Variants in PCDH7 observed in about 807,000 individuals in gnomAD.
PCDH7 encodes protocadherin 7.
Under a neutral mutation model 58.9 loss-of-function variants are expected in PCDH7, and 17 were observed. The observed-to-expected ratio is 0.29, with a 90% CI of 0.20 to 0.43. The LOEUF is 0.43. Ranked by LOEUF, PCDH7 falls within the 20% of genes least tolerant of loss-of-function variation. The pLI is 1.00. For missense variants in PCDH7, 1,274 were observed against 1,441.0 expected (o/e 0.88, Z 1.88); for synonymous variants, 664 against 616.4 (o/e 1.08, Z -1.14).
chr4:30,863,250 GC>G (rs1222949760), intron 1 of PCDH7, among the ~76,000 whole-genome samples: 5 of 152,080 alleles, frequency 3.3e-5, no homozygotes, highest in Non-Finnish European at 4.4e-5. Flanking sequence ...TCCTGATTAT[GC>G]AGTTAGCTAT....
At chr4:30,901,812 T>A (rs1375728811) in intron 1 of PCDH7, among the ~76,000 whole-genome samples, 1 of 152,184 alleles carries the variant, frequency 6.6e-6, no homozygotes, top group Non-Finnish European at 1.5e-5. Context: ...TAGTTCAAGT[T>A]CTACCGACCT....
intron 1 of PCDH7, chr4:30,724,908 A>G (rs1020905405): frequency 1.7e-6 from 2 of 1,145,394 alleles, no homozygotes; most frequent in Non-Finnish European, 1.1e-6. Flanking sequence ...CAGAATAAAT[A>G]TGTGTGTATT....
At chr4:30,869,371 G>A (rs1345465803) in intron 1 of PCDH7, among the ~76,000 whole-genome samples, 2 of 152,046 alleles carry the variant, frequency 1.3e-5, no homozygotes, top group African/African-American at 4.8e-5. Context: ...TGCCATGGTG[G>A]TTTGCTGCAC....
chr4:30,860,607 C>A (rs1437344495), intron 1 of PCDH7, among the ~76,000 whole-genome samples: 1 of 152,182 alleles, frequency 6.6e-6, no homozygotes, highest in African/African-American at 2.4e-5. Context: ...AGGATCTTCT[C>A]TTCCCACATG....
At chr4:30,831,017 T>A (rs1172704385) in intron 1 of PCDH7, among the ~76,000 whole-genome samples, 1 of 152,120 alleles carries the variant, frequency 6.6e-6, no homozygotes, top group Admixed American at 6.6e-5. Flanking sequence ...TCATCAAAAA[T>A]AATTTTCTGA....
At chr4:31,075,261 G>A (rs1044499739) in intron 3 of PCDH7, among the ~76,000 whole-genome samples, 11 of 151,996 alleles carry the variant, frequency 7.2e-5, no homozygotes, top group African/African-American at 1.9e-4. Context: ...TGCATGGTAC[G>A]ATACTAATTT....
intron 3 of PCDH7, among the ~76,000 whole-genome samples, chr4:30,978,262 T>C (rs1750250986): frequency 6.6e-6 from 1 of 152,180 alleles, no homozygotes; most frequent in Non-Finnish European, 1.5e-5. Context: ...ATGCTGGGCG[T>C]GACCTTGGAG....
chr4:31,081,810 T>C (rs992656267), intron 3 of PCDH7, among the ~76,000 whole-genome samples: 1 of 151,740 alleles, frequency 6.6e-6, no homozygotes, highest in African/African-American at 2.4e-5. Context: ...TCTCACTCTG[T>C]CACCCATGCT....
intron 1 of PCDH7, among the ~76,000 whole-genome samples, chr4:30,835,222 C>T (rs1261264774): frequency 6.6e-6 from 1 of 152,038 alleles, no homozygotes; most frequent in Non-Finnish European, 1.5e-5. Context: ...GGATCCCAAC[C>T]CCCGGGCCAC....
At chr4:31,122,995 T>C (rs1717871798) in intron 3 of PCDH7, among the ~76,000 whole-genome samples, 1 of 152,040 alleles carries the variant, frequency 6.6e-6, no homozygotes. Flanking sequence ...GTACACCTAA[T>C]CTTTGAAATT....
chr4:30,769,280 G>T (rs568346640), intron 1 of PCDH7, among the ~76,000 whole-genome samples: 3 of 152,190 alleles, frequency 2.0e-5, no homozygotes, highest in African/African-American at 7.2e-5. Context: ...TGCTGACTTG[G>T]CTGCACCGCA....
At chr4:30,751,870 G>A (rs28715457) in intron 1 of PCDH7, among the ~76,000 whole-genome samples, 6,185 of 152,120 alleles carry the variant, frequency 0.041, 305 homozygotes, top group African/African-American at 0.12. Flanking sequence ...GAGAATGAAA[G>A]TAAGGAAAAT....
chr4:30,895,447 T>C (rs778431943), intron 1 of PCDH7, among the ~76,000 whole-genome samples: 17 of 152,140 alleles, frequency 1.1e-4, no homozygotes, highest in Non-Finnish European at 1.8e-4. Context: ...ATATGATGTA[T>C]TTCTAATGTA....
At chr4:30,838,192 A>G (rs1192205747) in intron 1 of PCDH7, among the ~76,000 whole-genome samples, 1 of 152,098 alleles carries the variant, frequency 6.6e-6, no homozygotes, top group Non-Finnish European at 1.5e-5. Flanking sequence ...TAATGTTCTA[A>G]TGTGCTTTGA....
intron 3 of PCDH7, among the ~76,000 whole-genome samples, chr4:31,109,877 C>T (rs1336000897): frequency 2.0e-5 from 3 of 152,174 alleles, no homozygotes; most frequent in African/African-American, 7.2e-5. Context: ...TATCTCTATA[C>T]ATAGGCAGAC....
At chr4:31,015,261 G>T (rs971540658) in intron 3 of PCDH7, among the ~76,000 whole-genome samples, 19 of 152,210 alleles carry the variant, frequency 1.2e-4, no homozygotes, top group African/African-American at 4.1e-4. Context: ...ACTACCAGTT[G>T]CTTTATTGTG....
intron 3 of PCDH7, among the ~76,000 whole-genome samples, chr4:31,056,458 G>GAAAGAAGAAAGAAAGA (rs376643176): frequency 1.1e-4 from 9 of 83,222 alleles, no homozygotes; most frequent in Non-Finnish European, 2.0e-4. Flanking sequence ...AAGAAAGAAA[G>GAAAGAAGAAAGAAAGA]AAGAAAGAAA....
chr4:31,026,712 T>A (rs1270792346), intron 3 of PCDH7, among the ~76,000 whole-genome samples: 1 of 152,178 alleles, frequency 6.6e-6, no homozygotes, highest in Non-Finnish European at 1.5e-5. Flanking sequence ...CCTCTTATTT[T>A]TGCCATAGAA....
At chr4:30,749,836 G>C (rs566907794) in intron 1 of PCDH7, among the ~76,000 whole-genome samples, 1 of 152,068 alleles carries the variant, frequency 6.6e-6, no homozygotes, top group Non-Finnish European at 1.5e-5. Flanking sequence ...TTATGATTTT[G>C]GTTTTAAAAA....
Sources: gnomAD v4.1 joint callset for allele counts (sites outside exome capture counted in the v4.1 genomes callset) on GRCh38, gnomAD v4.1.1 for gene constraint, MANE v1.5 for transcripts, NCBI Gene and HGNC (gene_info 2026-07-23, HGNC 2026-07-21) for gene names.